The following SRPK1 variants were observed in gnomAD, a reference collection of about 807,000 sequenced individuals.
The protein encoded by SRPK1 is SRSF protein kinase 1.
Under a neutral mutation model 89.5 loss-of-function variants are expected in SRPK1, and 52 were observed. The ratio of observed to expected loss-of-function variants is 0.58; its 90% confidence interval spans 0.46 to 0.73. The LOEUF is 0.73. Ranked by LOEUF, SRPK1 falls within the 30% of genes least tolerant of loss-of-function variation. The pLI, the probability that SRPK1 is intolerant of heterozygous loss-of-function variation, is 0.00. For synonymous variants in SRPK1, 255 were observed against 270.2 expected, an observed-to-expected ratio of 0.94 and a Z score of 0.55; for missense variants, 603 against 780.6, an observed-to-expected ratio of 0.77 and a Z score of 2.71.
At position 35,869,013 on chromosome 6, in the gene SRPK1, C is replaced by G; in HGVS notation, c.1509G>C (p.Trp503Cys). 4 of 1,613,248 alleles carry G rather than the reference C, an allele frequency of 2.5e-6. No homozygotes were observed. Among genetic ancestry groups the G allele is most frequent in the Non-Finnish European group, 3.4e-6 (4 of 1,179,582 alleles). ...VKIADLGNAC[W>C]VHKHFTEDIQ... Reference sequence around the variant, plus strand: ...CATTAAGGCAAGTTTAACTTACCACCCAACAAGCATTTCCAAGGTCAGCAA... The same window carrying G: ...CATTAAGGCAAGTTTAACTTACCACGCAACAAGCATTTCCAAGGTCAGCAA... The change falls in exon 12 of 16, where the codon TGG becomes TGC. Residue 503 changes from tryptophan to cysteine, a missense_variant. Physicochemically the swap from Trp to Cys is radical, Grantham distance 215 (BLOSUM62 -2). Coordinates refer to ENST00000373825, the MANE Select transcript of SRPK1 (RefSeq NM_003137.5).
intron 10 of SRPK1, 86 bp downstream of exon 10, chr6:35,870,191 TTGTA>T: frequency 9.0e-7 from 1 of 1,110,718 alleles, no homozygotes; most frequent in Non-Finnish European, 1.3e-6. Context: ...CAGAGATGTG[TTGTA>T]TGTATGAAAC....
intron 13 of SRPK1, among the ~76,000 whole-genome samples, chr6:35,856,246 C>T (rs1769663706): frequency 1.3e-5 from 2 of 151,732 alleles, no homozygotes; most frequent in South Asian, 2.1e-4. Context: ...TGGTGACACA[C>T]ATCAATGTGC....
rs191854955 is a variant in SRPK1 at position 35,840,872 on chromosome 6, G to A, written c.1690+1663C>T. 1.7e-4 allele frequency among the ~76,000 whole-genome samples: 26 copies of A among 152,262 alleles called. No individual in the cohort carries two copies. The East Asian group carries it at 4.8e-3, about 28-fold the overall frequency. ...TATTAGTACTAACTGGTATAGGATGGAATAAATTAGAATTTAAACATCTAG... is the reference window on the plus strand; with the variant it reads ...TATTAGTACTAACTGGTATAGGATGAAATAAATTAGAATTTAAACATCTAG... On this transcript the variant is annotated intron_variant, in intron 14 of 15. Coordinates refer to ENST00000373825, the MANE Select transcript of SRPK1 (RefSeq NM_003137.5).
intron 2 of SRPK1, among the ~76,000 whole-genome samples, chr6:35,900,430 C>T (rs1226695701): frequency 1.3e-5 from 2 of 152,176 alleles, no homozygotes; most frequent in African/African-American, 4.8e-5. Flanking sequence ...ATCCCAGGTA[C>T]TTTTTTCTAG....
chr6:35,903,420 G>A (rs574296193), intron 2 of SRPK1, among the ~76,000 whole-genome samples: 4 of 151,866 alleles, frequency 2.6e-5, no homozygotes, highest in East Asian at 1.9e-4. Context: ...GCTGAAGCAC[G>A]AGAATCACTT....
intron 6 of SRPK1, among the ~76,000 whole-genome samples, chr6:35,881,759 C>T (rs963268220): frequency 2.0e-5 from 3 of 150,940 alleles, no homozygotes; most frequent in Non-Finnish European, 3.0e-5. Flanking sequence ...CTATATAAAA[C>T]AAAAACTGAC....
chr6:35,872,425 T>C, intron 8 of SRPK1, 138 bp downstream of exon 8: 1 of 789,136 alleles, frequency 1.3e-6, no homozygotes, highest in Admixed American at 3.8e-5. Flanking sequence ...TGAGAATGTC[T>C]CTTGGAAGCT....
Position 35,842,615 on chromosome 6 carries a change from A to G in SRPK1, c.1621-11T>C. The G allele has an allele frequency of 1.2e-6, 2 of 1,601,098 alleles. No homozygotes were observed. Among genetic ancestry groups the G allele is most frequent in the Non-Finnish European group, 1.7e-6 (2 of 1,175,410 alleles). On this transcript the variant is annotated splice_polypyrimidine_tract_variant and intron_variant, in intron 13 of 15. Coordinates refer to ENST00000373825, the MANE Select transcript of SRPK1 (RefSeq NM_003137.5). The stretch of plus-strand genomic sequence containing the variant: ...GGCCAGTTCAAAGGCCTAAAAAAAA[A>G]AGAGGACAGTATATGAAAGCACAAA...
intron 12 of SRPK1, among the ~76,000 whole-genome samples, chr6:35,858,673 C>T (rs1228257714): frequency 6.6e-6 from 1 of 152,106 alleles, no homozygotes; most frequent in African/African-American, 2.4e-5. Flanking sequence ...CCTTCCCCCA[C>T]CCAATCTCAT....
chr6:35,896,053 G>T (rs1429023396), intron 2 of SRPK1, among the ~76,000 whole-genome samples: 1 of 152,188 alleles, frequency 6.6e-6, no homozygotes, highest in Middle Eastern at 3.2e-3. Context: ...ATGTTGCCCT[G>T]AGTTCTGTGA....
chr6:35,916,025 C>T (rs1328712787), intron 2 of SRPK1, among the ~76,000 whole-genome samples: 5 of 100,640 alleles, frequency 5.0e-5, no homozygotes, highest in Non-Finnish European at 1.0e-4. Flanking sequence ...CACACACACA[C>T]ACACACACAC....
intron 6 of SRPK1, among the ~76,000 whole-genome samples, chr6:35,884,831 T>C (rs1051416167): frequency 1.3e-5 from 2 of 151,924 alleles, no homozygotes; most frequent in Non-Finnish European, 2.9e-5. Context: ...TGAAACCCCA[T>C]CTCTACTAAA....
chr6:35,881,197 C>T (rs1770279985), intron 6 of SRPK1, among the ~76,000 whole-genome samples: 2 of 151,900 alleles, frequency 1.3e-5, no homozygotes, highest in Non-Finnish European at 1.5e-5. Flanking sequence ...CAAGGGAGTC[C>T]TATAAGGTGA....
chr6:35,869,431 G>GA (rs1374259012), intron 11 of SRPK1, 51 bp downstream of exon 11: 2 of 1,558,152 alleles, frequency 1.3e-6, no homozygotes, highest in African/African-American at 2.7e-5. Flanking sequence ...AGAAATCTGT[G>GA]AATGTGTTGT....
intron 2 of SRPK1, among the ~76,000 whole-genome samples, chr6:35,911,232 T>C (rs1678407456): frequency 6.6e-6 from 1 of 151,874 alleles, no homozygotes; most frequent in African/African-American, 2.4e-5. Context: ...TTAACAGGAG[T>C]TTGGAAGAAG....
At chr6:35,911,585 A>G (rs970723977) in intron 2 of SRPK1, among the ~76,000 whole-genome samples, 3 of 151,836 alleles carry the variant, frequency 2.0e-5, no homozygotes, top group Non-Finnish European at 4.4e-5. Context: ...ATTTTTTTAA[A>G]AAATAAGTTT....
chr6:35,888,113 T>A lies in SRPK1; in HGVS notation c.303-2A>T. ...TTCATTGCCACAAATTTCTTCCCCC[T>A]AAGAAACAAACACAGGCAATTAAGA... On this transcript the variant is annotated splice_acceptor_variant, in intron 4 of 15. Transcript: ENST00000373825. LOFTEE classifies it high-confidence loss of function. 6.2e-7 allele frequency: 1 copy of A among 1,603,722 alleles called. No homozygotes were observed. Among genetic ancestry groups the A allele is most frequent in the Non-Finnish European group, 8.5e-7 (1 of 1,176,014 alleles).
chr6:35,873,551 G>C (rs374787660), intron 7 of SRPK1, among the ~76,000 whole-genome samples: 1 of 151,414 alleles, frequency 6.6e-6, no homozygotes, highest in Non-Finnish European at 1.5e-5. Context: ...GCGCGGTGGC[G>C]CGATCTCAGC....
chr6:35,857,742 A>G (rs1769695966), intron 12 of SRPK1, among the ~76,000 whole-genome samples: 3 of 152,238 alleles, frequency 2.0e-5, no homozygotes, highest in Admixed American at 2.0e-4. Context: ...TGCTGGGATT[A>G]CAGGCGTGAG....
Sources: gnomAD v4.1 joint callset for allele counts (sites outside exome capture counted in the v4.1 genomes callset) on GRCh38, gnomAD v4.1.1 for gene constraint, MANE v1.5 for transcripts, NCBI Gene and HGNC (gene_info 2026-07-23, HGNC 2026-07-21) for gene names.